Variants in PHF10 observed in about 807,000 individuals in gnomAD.
PHF10 encodes the protein PHD finger protein 10.
In PHF10, 51 loss-of-function variants were observed where a neutral mutation model predicts 68.5. The ratio of observed to expected loss-of-function variants is 0.74; its 90% confidence interval spans 0.59 to 0.94. The LOEUF (loss-of-function observed/expected upper bound fraction) is 0.94, where lower values mean the gene tolerates loss of function less well. PHF10 is among the 40% of genes least tolerant of loss of function. PHF10 has a pLI of 0.00. For synonymous variants in PHF10, 204 were observed against 203.5 expected, an observed-to-expected ratio of 1.00 and a Z score of -0.02; for missense variants, 460 against 602.6, an observed-to-expected ratio of 0.76 and a Z score of 2.48.
At chr6:169,722,239 G>A (rs986278633) in intron 1 of PHF10, among the ~76,000 whole-genome samples, 7 of 152,148 alleles carry the variant, frequency 4.6e-5, no homozygotes, top group Admixed American at 1.3e-4. Flanking sequence ...TTTCCAAATA[G>A]TAAAATATAT....
chr6:169,705,022 A>T, intron 11 of PHF10, 111 bp downstream of exon 11: 1 of 712,578 alleles, frequency 1.4e-6, no homozygotes, highest in Non-Finnish European at 2.3e-6. Flanking sequence ...TCATATTTGC[A>T]CATAAGAGTC....
intron 9 of PHF10, 185 bp downstream of exon 9, chr6:169,710,049 CAA>C: frequency 2.2e-6 from 1 of 461,632 alleles, no homozygotes; most frequent in South Asian, 6.2e-5. Flanking sequence ...AAACCATAGC[CAA>C]AAGTGACAGA....
At chr6:169,722,415 C>G (rs548124532) in intron 1 of PHF10, among the ~76,000 whole-genome samples, 2 of 152,212 alleles carry the variant, frequency 1.3e-5, no homozygotes, top group African/African-American at 4.8e-5. Context: ...TTCTATTTTA[C>G]TGGTGAGCAT....
chr6:169,722,314 C>T lies in PHF10; in HGVS notation c.88-1203G>A, dbSNP rs187294660. ...GAGCTTTGCATAGTCTAAATCTACT[C>T]TCTGAAAATTTGCATAAGTATCTGC... On this transcript the variant is annotated intron_variant, in intron 1 of 11. Coordinates refer to ENST00000339209, the MANE Select transcript of PHF10 (RefSeq NM_018288.4). Among the ~76,000 whole-genome samples, 7 of 152,220 alleles carry T rather than the reference C, an allele frequency of 4.6e-5. No homozygotes were observed. The East Asian group carries it at 5.8e-4, about 13-fold the overall frequency.
chr6:169,715,032 C>T (rs1298650763), intron 6 of PHF10, among the ~76,000 whole-genome samples, 190 bp from the exon 7 acceptor site: 3 of 152,124 alleles, frequency 2.0e-5, no homozygotes, highest in African/African-American at 7.2e-5. Flanking sequence ...GTTTTAAAGG[C>T]CTATTCTCCT....
intron 4 of PHF10, among the ~76,000 whole-genome samples, chr6:169,716,585 T>C (rs1043475729): frequency 3.9e-5 from 6 of 152,046 alleles, no homozygotes; most frequent in African/African-American, 1.5e-4. Flanking sequence ...ATTTCACCAA[T>C]TGCTAAAATG....
chr6:169,719,023 GCCT>G (rs1789116651), intron 2 of PHF10, 105 bp from the exon 3 acceptor site: 2 of 744,860 alleles, frequency 2.7e-6, no homozygotes, highest in South Asian at 3.6e-5. Context: ...TAAATTATTT[GCCT>G]CCTATGACTT....
chr6:169,712,509 T>A lies in PHF10; in HGVS notation c.834A>T (p.Pro278=), dbSNP rs1337478767. 1 of 1,613,646 alleles carries A rather than the reference T, an allele frequency of 6.2e-7. No homozygotes were observed. The highest frequency in any genetic ancestry group is 8.5e-7 in the Non-Finnish European group (1 of 1,179,870). ...RYSPDELRYL[P]LNTALYEPPL... is the part of the protein sequence containing the mutation. ...GGGGCTCATACAGGGCTGTGTTTAA[T>A]GGCAGATACCGCAGCTCATCTGGTG... Residue 278 remains proline, a synonymous_variant, in exon 8 of 12, where the codon CCA becomes CCT. Transcript: ENST00000339209.
intron 3 of PHF10, 114 bp downstream of exon 3, chr6:169,718,674 A>G: frequency 1.5e-6 from 1 of 680,882 alleles, no homozygotes; most frequent in Non-Finnish European, 2.4e-6. Context: ...AGTCTTAAAA[A>G]AAAACAGCAA....
chr6:169,717,610 C>G (rs1789080698), intron 4 of PHF10: 2 of 455,236 alleles, frequency 4.4e-6, no homozygotes, highest in African/African-American at 2.0e-5. Flanking sequence ...CATCATGAAG[C>G]TGAACCATCA....
At chr6:169,719,179 G>C (rs1014951319) in intron 2 of PHF10, 17 of 280,818 alleles carry the variant, frequency 6.1e-5, no homozygotes, top group Non-Finnish European at 1.0e-4. Flanking sequence ...TAAGAACGAA[G>C]GCATTTTTAG....
chr6:169,720,516 G>A (rs914364123), intron 2 of PHF10, among the ~76,000 whole-genome samples: 1 of 152,174 alleles, frequency 6.6e-6, no homozygotes, highest in Non-Finnish European at 1.5e-5. Context: ...GAACCTTGAA[G>A]ATATTCAAAG....
chr6:169,714,052 C>CA (rs1326267869), intron 7 of PHF10, among the ~76,000 whole-genome samples: 2 of 151,082 alleles, frequency 1.3e-5, no homozygotes, highest in Non-Finnish European at 1.5e-5. Context: ...ACACAGGAGG[C>CA]AGAGGTTGCA....
At chr6:169,709,842 ACT>A (rs1491148749) in intron 9 of PHF10, 1 of 153,156 alleles carries the variant, frequency 6.5e-6, no homozygotes, top group Admixed American at 6.5e-5. Context: ...ATCCACTCAT[ACT>A]TTATAGCTCA....
intron 1 of PHF10, among the ~76,000 whole-genome samples, chr6:169,723,108 C>G (rs914165372): frequency 2.6e-5 from 4 of 152,230 alleles, no homozygotes; most frequent in African/African-American, 2.4e-5. Flanking sequence ...GCGCACCGCA[C>G]GAAGGCTGGC....
In PHF10 at chr6:169,716,532, A is replaced by G. The variant is rs186049432; in HGVS notation, c.410-444T>C. Among the ~76,000 whole-genome samples, 156 of 152,162 alleles carry G rather than the reference A, an allele frequency of 1.0e-3. 1 individual carries two copies. Among genetic ancestry groups the G allele is most frequent in the African/African-American group, 3.7e-3 (153 of 41,426 alleles). On this transcript the variant is annotated intron_variant, in intron 4 of 11. Coordinates refer to ENST00000339209, the MANE Select transcript of PHF10 (RefSeq NM_018288.4). ...AATTTCACCAAAAACATCAGCACAC[A>G]CACACACACCATGGAGACAATTTTC...
intron 7 of PHF10, among the ~76,000 whole-genome samples, chr6:169,713,605 A>G (rs984824405): frequency 6.6e-6 from 1 of 152,044 alleles, no homozygotes; most frequent in African/African-American, 2.4e-5. Context: ...TCTCAAAAAA[A>G]AAAAAAAAAA....
chr6:169,706,525 G>A (rs2128328792), intron 9 of PHF10, among the ~76,000 whole-genome samples: 2 of 152,162 alleles, frequency 1.3e-5, no homozygotes, highest in East Asian at 1.9e-4. Flanking sequence ...GACATATTTG[G>A]TTACACATGG....
rs1261353890 is a variant in PHF10 at position 169,711,634 on chromosome 6, G to C, written c.957+752C>G. 5.3e-5 allele frequency among the ~76,000 whole-genome samples: 8 copies of C among 152,292 alleles called. No individual in the cohort carries two copies. The East Asian group carries it at 1.3e-3, about 26-fold the overall frequency. ...CTTTTAGCAACATGACAGGAGAAAA[G>C]TTGTGTCACCACTTTAATACTTGAA... On this transcript the variant is annotated intron_variant, in intron 8 of 11. Coordinates refer to ENST00000339209, the MANE Select transcript of PHF10 (RefSeq NM_018288.4).
Sources: gnomAD v4.1 joint callset for allele counts (sites outside exome capture counted in the v4.1 genomes callset) on GRCh38, gnomAD v4.1.1 for gene constraint, MANE v1.5 for transcripts, NCBI Gene and HGNC (gene_info 2026-07-23, HGNC 2026-07-21) for gene names.